ARAP3: variants seen among roughly 807,000 people sequenced by gnomAD.
The protein encoded by ARAP3 is ArfGAP with RhoGAP domain, ankyrin repeat and PH domain 3.
ARAP3 carries 82 observed loss-of-function variants against 169.2 expected under a neutral mutation model. The observed-to-expected ratio is 0.48, with a 90% CI of 0.41 to 0.58. The LOEUF (loss-of-function observed/expected upper bound fraction) is 0.58. Ranked by LOEUF, ARAP3 falls within the 20% of genes least tolerant of loss-of-function variation. The pLI, the probability that ARAP3 is intolerant of heterozygous loss-of-function variation, is 0.00. For synonymous variants in ARAP3, 791 were observed against 800.3 expected (o/e 0.99, Z 0.20); for missense variants, 1,764 against 2,018.0 (o/e 0.87, Z 2.41).
At chr5:141,658,264 A>C in intron 25 of ARAP3, 101 bp downstream of exon 25, 1 of 1,154,938 alleles carries the variant, frequency 8.7e-7, no homozygotes, top group East Asian at 2.5e-5. Context: ...TCCATGAGTT[A>C]CCATTCATAT....
chr5:141,673,086 G>A lies in ARAP3; in HGVS notation c.1020C>T (p.Thr340=). 1.9e-6 allele frequency: 3 copies of A among 1,614,162 alleles called. No homozygotes were observed. The East Asian group carries it at 6.7e-5, about 36-fold the overall frequency. Residue 340 remains threonine (T), a synonymous_variant, in exon 7 of 33, where the codon ACC becomes ACT. Coordinates refer to ENST00000239440, the MANE Select transcript of ARAP3 (RefSeq NM_022481.6). ...GGAACTTGTTGTCCTTGCTGCTGCG[G>A]GTCATCTCAATGGCAGTCAAAGGTA... ...GVIPLTAIEM[T]RSSKDNKFQV...
chr5:141,656,702 G>A lies in ARAP3; in HGVS notation c.3655+16C>T. 1 of 1,612,824 alleles carries A rather than the reference G, an allele frequency of 6.2e-7. No homozygotes were observed. The highest frequency in any genetic ancestry group is 8.5e-7 in the Non-Finnish European group (1 of 1,179,524). ...GGAGAGACCTGGGGGATGCTGGGCAGAGGAAGGAGGCTCACCTGTGAAGAG... is the reference window on the plus strand; with the variant it reads ...GGAGAGACCTGGGGGATGCTGGGCAAAGGAAGGAGGCTCACCTGTGAAGAG... On this transcript the variant is annotated intron_variant, in intron 26 of 32. Coordinates refer to ENST00000239440, the MANE Select transcript of ARAP3 (RefSeq NM_022481.6).
In ARAP3 at chr5:141,665,047, G is replaced by C. The variant is rs771955643; in HGVS notation, c.2675C>G (p.Thr892Arg). ...YLQGEGRLDF[T>R]AWNAAIGGAA... ...GCCCCCAATGGCTGCGTTCCATGCC[G>C]TGAAGTCCAGCCGGCCCTCTCCTTG... Residue 892 changes from threonine to arginine, a missense_variant, in exon 19 of 33, where the codon ACG becomes AGG. Thr to Arg is a moderately conservative substitution (Grantham distance 71). Around this residue, in one of 3 missense-constraint regions of ARAP3, gnomAD observed 1,112 missense variants for 1,285.7 expected, o/e 0.86. Coordinates refer to ENST00000239440, the MANE Select transcript of ARAP3 (RefSeq NM_022481.6). The C allele has an allele frequency of 1.2e-6, 2 of 1,613,774 alleles. No homozygotes were observed. The highest frequency in any genetic ancestry group is 2.2e-5 in the South Asian group (2 of 91,028).
At position 141,671,529 on chromosome 5, in the gene ARAP3, G is replaced by C; in HGVS notation, c.1854+41C>G. The C allele has an allele frequency of 6.2e-7, 1 of 1,611,236 alleles. No homozygotes were observed. The highest frequency in any genetic ancestry group is 8.5e-7 in the Non-Finnish European group (1 of 1,179,078). The stretch of plus-strand genomic sequence containing the variant: ...ATTCCAACTCCAGAGAGTGTTTCCT[G>C]ACCCCCCCACCCCAGATCACCCCTG... On this transcript the variant is annotated intron_variant, in intron 12 of 32. Transcript: ENST00000239440. The surrounding 1 kb of genome is among the most constrained non-coding windows in gnomAD (Gnocchi z 4.9).
rs2154599143 is a variant in ARAP3 at position 141,673,883 on chromosome 5, C to T, written c.699-75G>A. The T allele has an allele frequency of 5.9e-6, 8 of 1,367,410 alleles. No individual in the cohort carries two copies. The South Asian group carries it at 1.0e-4, about 18-fold the overall frequency. The allele number at this position is 1,367,410 out of a possible 1,614,324, so 84.7% of individuals were successfully genotyped here. A position where few individuals can be genotyped will look rare whatever the true frequency, so the allele number is the denominator to read the frequency against. On this transcript the variant is annotated intron_variant, in intron 4 of 32. Transcript: ENST00000239440. ...ACACCCTCTTTGTACTTTCTCCATC[C>T]TACTCACATCACCTAAGAATAGAAT...
In ARAP3 at chr5:141,656,574, A is replaced by G; in HGVS notation, c.3719T>C (p.Leu1240Pro). The G allele has an allele frequency of 6.2e-7, 1 of 1,612,992 alleles. No homozygotes were observed. Among genetic ancestry groups the G allele is most frequent in the Non-Finnish European group, 8.5e-7 (1 of 1,179,542 alleles). Reference protein sequence around the residue: ...LRCREEPPRLLGSRFQERFFL... With the variant: ...LRCREEPPRLPGSRFQERFFL... ...GAACCTCTCCTGGAAGCGGCTTCCC[A>G]GCAAGCGAGGTGGCTCCTCACGACA... The change falls in exon 27 of 33, where the codon CTG (leucine) becomes CCG (proline). Residue 1240 changes from leucine to proline, a missense_variant. Leu to Pro is a moderately conservative substitution (Grantham distance 98). This residue lies in a region of ARAP3 where 1,112 missense variants were observed against 1,285.7 expected (regional missense o/e 0.86). Coordinates refer to ENST00000239440, the MANE Select transcript of ARAP3 (RefSeq NM_022481.6).
chr5:141,657,688 G>A (rs1026437050), intron 25 of ARAP3, among the ~76,000 whole-genome samples: 6 of 152,198 alleles, frequency 3.9e-5, no homozygotes, highest in Non-Finnish European at 5.9e-5. Context: ...TAATGGAATC[G>A]ACAAGACTAG....
At chr5:141,677,820 G>A (rs1355315110) in intron 4 of ARAP3, among the ~76,000 whole-genome samples, 5 of 151,732 alleles carry the variant, frequency 3.3e-5, no homozygotes. Context: ...GGTCTCACTC[G>A]GTTGTCCAGG....
At chr5:141,667,351 G>A (rs768547500) in intron 16 of ARAP3, among the ~76,000 whole-genome samples, 1 of 152,046 alleles carries the variant, frequency 6.6e-6, no homozygotes, top group Admixed American at 6.5e-5. Flanking sequence ...ACTACCTGCA[G>A]TAAATTGCAG....
At position 141,662,094 on chromosome 5, in the gene ARAP3, C is replaced by T. The variant is rs139725796; in HGVS notation, c.2962G>A (p.Asp988Asn). The change falls in exon 20 of 33, where the codon GAT becomes AAT. Residue 988 changes from aspartate to asparagine, a missense_variant. Asp to Asn is a conservative substitution (Grantham distance 23). Around this residue, in one of 3 missense-constraint regions of ARAP3, gnomAD observed 1,112 missense variants for 1,285.7 expected, o/e 0.86. Transcript: ENST00000239440. ...AACCGTGCAGAGGTCACAGGGTCATCGAGCTCACGAAAGAAGCGTTTGAGT... is the reference window on the plus strand; with the variant it reads ...AACCGTGCAGAGGTCACAGGGTCATTGAGCTCACGAAAGAAGCGTTTGAGT... ...DTLKRFFRELDDPVTSARLLP... is the reference protein window; with the variant it reads ...DTLKRFFRELNDPVTSARLLP... The T allele has an allele frequency of 3.1e-6, 5 of 1,614,086 alleles. No individual in the cohort carries two copies. Among genetic ancestry groups the T allele is most frequent in the South Asian group, 2.2e-5 (2 of 91,096 alleles).
Position 141,659,483 on chromosome 5 carries a change from A to G in ARAP3, c.3268-7T>C, listed in dbSNP as rs562226406. 49 of 1,614,074 alleles carry G rather than the reference A, an allele frequency of 3.0e-5. No individual in the cohort carries two copies. The South Asian group carries it at 5.3e-4, about 17-fold the overall frequency. Reference sequence around the variant, plus strand: ...CTACCTGGTCAGAATCGATCTGTGAAAGAGCCAAAAGAGAGTGTTGGGGTG... The same window carrying G: ...CTACCTGGTCAGAATCGATCTGTGAGAGAGCCAAAAGAGAGTGTTGGGGTG... On this transcript the variant is annotated splice_region_variant and splice_polypyrimidine_tract_variant and intron_variant, in intron 22 of 32. Coordinates refer to ENST00000239440, the MANE Select transcript of ARAP3 (RefSeq NM_022481.6).
chr5:141,658,938 C>T (rs778651733), intron 23 of ARAP3, among the ~76,000 whole-genome samples: 6 of 152,114 alleles, frequency 3.9e-5, no homozygotes, highest in Non-Finnish European at 4.4e-5. Context: ...GAATAAATGA[C>T]CCGCTGAACC....
chr5:141,672,330 A>C lies in ARAP3; in HGVS notation c.1386-29T>G, dbSNP rs867183321. 3 of 1,612,832 alleles carry C rather than the reference A, an allele frequency of 1.9e-6. No individual in the cohort carries two copies. The highest frequency in any genetic ancestry group is 2.5e-6 in the Non-Finnish European group (3 of 1,179,520). On this transcript the variant is annotated intron_variant, in intron 9 of 32. Transcript: ENST00000239440. The surrounding 1 kb of genome is among the most constrained non-coding windows in gnomAD (Gnocchi z 4.9). ...AGGGGTGGACAGCCAGTCCATGGGC[A>C]TGGACCTACCTGCCATGTCCCATCC...
chr5:141,670,715 A>G (rs1332060703), intron 13 of ARAP3, 87 bp from the exon 14 acceptor site: 5 of 1,147,554 alleles, frequency 4.4e-6, no homozygotes, highest in Non-Finnish European at 6.4e-6. Context: ...ATGGAGAAAG[A>G]CAGTGGGACC....
intron 17 of ARAP3, 150 bp downstream of exon 17, chr5:141,666,274 G>A (rs2099910625): frequency 3.0e-6 from 2 of 663,504 alleles, no homozygotes; most frequent in South Asian, 3.4e-5. Flanking sequence ...TGAAGGTGGG[G>A]TCTAAAGCTG....
chr5:141,672,577 G>A lies in ARAP3; in HGVS notation c.1360C>T (p.Leu454=). The part of the protein sequence containing the change: ...VRETKSRSFD[L]LTPHRCFSFT... ...CTGAAGCAGCGATGGGGTGTGAGCA[G>A]GTCAAAGCTTCGACTCTTGGTCTCC... is the stretch of plus-strand genomic sequence containing the variant. The change falls in exon 9 of 33, where the codon CTG becomes TTG. Residue 454 remains leucine (L), a synonymous_variant. Transcript: ENST00000239440. This position sits in a 1 kb window ranked among gnomAD's most constrained non-coding sequence, Gnocchi z 4.9. 1 of 1,614,158 alleles carries A rather than the reference G, an allele frequency of 6.2e-7. No homozygotes were observed. Among genetic ancestry groups the A allele is most frequent in the Non-Finnish European group, 8.5e-7 (1 of 1,180,014 alleles).
At chr5:141,668,907 G>A (rs1009349893) in intron 16 of ARAP3, among the ~76,000 whole-genome samples, 9 of 152,176 alleles carry the variant, frequency 5.9e-5, no homozygotes, top group Non-Finnish European at 1.3e-4. Flanking sequence ...GGCTGCACAC[G>A]ACTTTCTGAC....
chr5:141,672,202 G>A lies in ARAP3; in HGVS notation c.1485C>T (p.Ile495=). ...TLSDYEVAEK[I]WSNRANRQCA... ...ACTGCCGGTTGGCCCGATTAGACCA[G>A]ATCTTCTCAGCCACCTCGTAGTCAG... Residue 495 remains isoleucine, a synonymous_variant, in exon 10 of 33, where the codon ATC becomes ATT. Transcript: ENST00000239440. The surrounding 1 kb of genome is among the most constrained non-coding windows in gnomAD (Gnocchi z 4.9). The A allele has an allele frequency of 6.2e-7, 1 of 1,614,204 alleles. No individual in the cohort carries two copies. Among genetic ancestry groups the A allele is most frequent in the Non-Finnish European group, 8.5e-7 (1 of 1,180,042 alleles).
chr5:141,680,656 A>G, intron 1 of ARAP3, 153 bp from the exon 2 acceptor site: 1 of 1,186,140 alleles, frequency 8.4e-7, no homozygotes, highest in Non-Finnish European at 1.1e-6. Context: ...GCCATCCCAG[A>G]ACAACAGCAA....
Sources: allele counts gnomAD v4.1 joint callset (sites outside exome capture counted in the v4.1 genomes callset), GRCh38; gene constraint gnomAD v4.1.1; regional missense constraint gnomAD v4.1.1; non-coding constraint Gnocchi (gnomAD v3.1); transcripts MANE v1.5; gene names NCBI Gene and HGNC (gene_info 2026-07-23, HGNC 2026-07-21).